C4BPB: variants seen among roughly 807,000 people sequenced by gnomAD.
C4BPB encodes the protein complement component 4 binding protein beta.
In C4BPB, 19 loss-of-function variants were observed where a neutral mutation model predicts 26.6. The observed-to-expected ratio is 0.71, with a 90% confidence interval of 0.50 to 1.05. The LOEUF (loss-of-function observed/expected upper bound fraction) is 1.05, where lower values mean the gene tolerates loss of function less well. Ranked by LOEUF, C4BPB falls within the 50% of genes least tolerant of loss-of-function variation. The pLI, the probability that C4BPB is intolerant of heterozygous loss-of-function variation, is 0.00. For synonymous variants in C4BPB, 118 were observed against 103.5 expected (o/e 1.14, Z -0.85); for missense variants, 282 against 302.9 (o/e 0.93, Z 0.51).
At chr1:207,098,074 A>G (rs1684328844) in intron 5 of C4BPB, 76 bp from the exon 6 acceptor site, 3 of 1,099,784 alleles carry the variant, frequency 2.7e-6, no homozygotes, top group Non-Finnish European at 4.1e-6. Context: ...ATACTGAAAT[A>G]CAACTACACA....
intron 1 of C4BPB, 150 bp downstream of exon 1, chr1:207,089,096 C>T (rs1441052541): frequency 6.1e-6 from 1 of 164,628 alleles, no homozygotes; most frequent in Admixed American, 6.0e-5. Flanking sequence ...TCTCTTTCCC[C>T]AGTGCTGGCC....
At chr1:207,098,532 A>G (rs981352725) in intron 6 of C4BPB, among the ~76,000 whole-genome samples, 4 of 152,204 alleles carry the variant, frequency 2.6e-5, no homozygotes, top group African/African-American at 9.7e-5. Flanking sequence ...CTTATAGAGC[A>G]GTGGTTCCCA....
intron 4 of C4BPB, among the ~76,000 whole-genome samples, chr1:207,092,202 T>C (rs56074765): frequency 2.0e-3 from 305 of 152,350 alleles, no homozygotes; most frequent in Non-Finnish European, 3.2e-3. Context: ...TACAAGAGGC[T>C]AAAGACCCTC....
In C4BPB at chr1:207,099,866, A is replaced by G. The variant is rs1463957333; in HGVS notation, c.696A>G (p.Thr232=). ...AACAATTAAAGGAAAGTGGCATGAC[A>G]ATGGAGGAGCTAAAATATTCTCTGG... ...FMQQLKESGM[T]MEELKYSLEL... The change falls in exon 7 of 7, where the codon ACA becomes ACG. Residue 232 remains threonine (T), a synonymous_variant. Coordinates refer to ENST00000367078, the MANE Select transcript of C4BPB (RefSeq NM_001017365.3). The G allele has an allele frequency of 5.0e-6, 8 of 1,614,042 alleles. No homozygotes were observed. Among genetic ancestry groups the G allele is most frequent in the Non-Finnish European group, 6.8e-6 (8 of 1,179,884 alleles).
chr1:207,095,963 C>A, intron 4 of C4BPB: 1 of 172,700 alleles, frequency 5.8e-6, no homozygotes, highest in South Asian at 1.3e-4. Flanking sequence ...GAGCAGATGC[C>A]AGCACCATGT....
At position 207,096,316 on chromosome 1, in the gene C4BPB, C is replaced by A. The variant is rs939011986; in HGVS notation, c.410-206C>A. Reference sequence around the variant, plus strand: ...GATGGGCTGGGGGAAAGCTCTTTCCCATGGACAAATATGATTTAGAAGAGA... The same window carrying A: ...GATGGGCTGGGGGAAAGCTCTTTCCAATGGACAAATATGATTTAGAAGAGA... On this transcript the variant is annotated intron_variant, in intron 4 of 6. Coordinates refer to ENST00000367078, the MANE Select transcript of C4BPB (RefSeq NM_001017365.3). The A allele has an allele frequency of 9.9e-5, 55 of 554,512 alleles. No homozygotes were observed. In the Middle Eastern group the frequency reaches 1.5e-3, roughly 15 times the overall value. 34.3% of individuals were successfully genotyped at this position (554,512 alleles called of 1,614,324 possible). A position where few individuals can be genotyped will look rare whatever the true frequency, so the allele number is the denominator to read the frequency against.
chr1:207,099,100 A>G (rs934312869), intron 6 of C4BPB, among the ~76,000 whole-genome samples: 8 of 151,796 alleles, frequency 5.3e-5, no homozygotes, highest in Admixed American at 5.2e-4. Context: ...ATCATCAGGC[A>G]TTAGATTCTC....
intron 3 of C4BPB, among the ~76,000 whole-genome samples, chr1:207,090,860 A>G (rs922930427): frequency 5.9e-5 from 9 of 152,244 alleles, no homozygotes; most frequent in Admixed American, 1.3e-4. Flanking sequence ...GACTCATCAC[A>G]TAATTTCATC....
intron 4 of C4BPB, among the ~76,000 whole-genome samples, chr1:207,092,438 TATAC>T (rs1235234910): frequency 6.6e-6 from 1 of 152,128 alleles, no homozygotes; most frequent in African/African-American, 2.4e-5. Flanking sequence ...CATGTAACTA[TATAC>T]ATGGCCACTT....
chr1:207,097,999 A>G, intron 5 of C4BPB, 151 bp from the exon 6 acceptor site: 1 of 634,492 alleles, frequency 1.6e-6, no homozygotes, highest in South Asian at 1.9e-5. Context: ...GCTTTGTAAT[A>G]CCGAGATAAC....
chr1:207,092,467 A>G (rs1428622304), intron 4 of C4BPB, among the ~76,000 whole-genome samples: 1 of 152,112 alleles, frequency 6.6e-6, no homozygotes, highest in Non-Finnish European at 1.5e-5. Context: ...ACACCAGTCC[A>G]TGTAGCTCTA....
chr1:207,098,038 G>C, intron 5 of C4BPB, 112 bp from the exon 6 acceptor site: 1 of 796,378 alleles, frequency 1.3e-6, no homozygotes, highest in African/African-American at 1.7e-5. Flanking sequence ...TCAAGGGCAG[G>C]GAGGTGGATT....
rs1283804523 is a variant in C4BPB at position 207,095,307 on chromosome 1, T to G, written c.410-1215T>G. On this transcript the variant is annotated intron_variant, in intron 4 of 6. Transcript: ENST00000367078. ...TTTCCACAGTTCCACAGACTCGTCC[T>G]CTTCCCTTCCAGCCATGTTCTCCCC... The G allele has an allele frequency of 2.2e-5, 10 of 456,544 alleles. No homozygotes were observed. In the Admixed American group the frequency reaches 2.4e-4, roughly 11 times the overall value. The allele number at this position is 456,544 out of a possible 1,614,324, so 28.3% of individuals were successfully genotyped here. A position where few individuals can be genotyped will look rare whatever the true frequency, so the allele number is the denominator to read the frequency against.
chr1:207,098,536 G>A (rs1376525743), intron 6 of C4BPB, among the ~76,000 whole-genome samples: 1 of 152,114 alleles, frequency 6.6e-6, no homozygotes, highest in African/African-American at 2.4e-5. Context: ...TAGAGCAGTG[G>A]TTCCCAACCT....
chr1:207,092,780 C>A (rs545087767), intron 4 of C4BPB, among the ~76,000 whole-genome samples: 1 of 152,020 alleles, frequency 6.6e-6, no homozygotes, highest in Non-Finnish European at 1.5e-5. Flanking sequence ...GTGCCTGCCA[C>A]CACGCCCAGC....
Position 207,096,519 on chromosome 1 carries a change from C to T in C4BPB, c.410-3C>T. 1 of 1,580,796 alleles carries T rather than the reference C, an allele frequency of 6.3e-7. No individual in the cohort carries two copies. The highest frequency in any genetic ancestry group is 8.7e-7 in the Non-Finnish European group (1 of 1,150,988). ...CTATGACTTCTATACTCGTTTCTCTCAGGGGACTGTGACCCTCCTGGGAAT... is the reference window on the plus strand; with the variant it reads ...CTATGACTTCTATACTCGTTTCTCTTAGGGGACTGTGACCCTCCTGGGAAT... On this transcript the variant is annotated splice_region_variant and splice_polypyrimidine_tract_variant and intron_variant, in intron 4 of 6. Transcript: ENST00000367078.
At chr1:207,092,387 G>A (rs55777530) in intron 4 of C4BPB, among the ~76,000 whole-genome samples, 16 of 152,066 alleles carry the variant, frequency 1.1e-4, no homozygotes, top group South Asian at 2.1e-4. Flanking sequence ...TATACCTATA[G>A]AAAAGGGACT....
chr1:207,092,053 G>T (rs540103361), intron 4 of C4BPB, among the ~76,000 whole-genome samples: 10 of 152,258 alleles, frequency 6.6e-5, no homozygotes, highest in Admixed American at 6.5e-4. Context: ...TCTCAGATAG[G>T]GGTCCTGTCC....
At chr1:207,097,841 G>T in intron 5 of C4BPB, 1 of 206,106 alleles carries the variant, frequency 4.9e-6, no homozygotes. Context: ...TTAGGTTATT[G>T]AATGATAAAG....
Sources: allele counts gnomAD v4.1 joint callset (sites outside exome capture counted in the v4.1 genomes callset), GRCh38; gene constraint gnomAD v4.1.1; transcripts MANE v1.5; gene names NCBI Gene and HGNC (gene_info 2026-07-23, HGNC 2026-07-21).